NALF1: variants seen among roughly 807,000 people sequenced by gnomAD.
The protein encoded by NALF1 is NALCN channel auxiliary factor 1, also known as family with sequence similarity 155 member A.
In NALF1, 3 loss-of-function variants were observed where a neutral mutation model predicts 48.4. That is an observed-to-expected ratio of 0.06 (90% CI 0.03 to 0.16). The LOEUF is 0.16. Among genes scored for constraint, NALF1 ranks in the 10% least tolerant of loss-of-function variants. The pLI is 1.00. For synonymous variants in NALF1, 262 were observed against 245.7 expected, an observed-to-expected ratio of 1.07 and a Z score of -0.62; for missense variants, 526 against 571.5, an observed-to-expected ratio of 0.92 and a Z score of 0.81.
chr13:107,463,913 T>C (rs1353753807), intron 1 of NALF1, among the ~76,000 whole-genome samples: 3 of 152,212 alleles, frequency 2.0e-5, no homozygotes, highest in Non-Finnish European at 2.9e-5. Context: ...AAGTTCATAA[T>C]CTAGTTTTTA....
At chr13:107,201,737 CT>C (rs1464462074) in intron 2 of NALF1, among the ~76,000 whole-genome samples, 1 of 152,166 alleles carries the variant, frequency 6.6e-6, no homozygotes, top group African/African-American at 2.4e-5. Context: ...GGTGGACTTC[CT>C]GGGGCTTTCT....
At chr13:107,698,737 C>T (rs1344133146) in intron 1 of NALF1, among the ~76,000 whole-genome samples, 1 of 152,080 alleles carries the variant, frequency 6.6e-6, no homozygotes, top group African/African-American at 2.4e-5. Context: ...ATAAGAACTA[C>T]ATTTCCCTGA....
At chr13:107,706,918 CTT>C (rs34091754) in intron 1 of NALF1, among the ~76,000 whole-genome samples, 1 of 101,302 alleles carries the variant, frequency 9.9e-6, no homozygotes, top group Non-Finnish European at 1.8e-5. Flanking sequence ...CAAGGGCATT[CTT>C]TTTTTTTTTT....
intron 1 of NALF1, among the ~76,000 whole-genome samples, chr13:107,593,906 A>C (rs1278008775): frequency 6.6e-6 from 1 of 151,988 alleles, no homozygotes; most frequent in Non-Finnish European, 1.5e-5. Context: ...AAATATATTT[A>C]ATCTTCCTAA....
At chr13:107,641,284 C>T (rs921646347) in intron 1 of NALF1, among the ~76,000 whole-genome samples, 9 of 152,048 alleles carry the variant, frequency 5.9e-5, no homozygotes, top group African/African-American at 2.2e-4. Context: ...GAAGACAAAT[C>T]GTTAATGGGT....
chr13:107,382,924 G>A (rs76393107), intron 1 of NALF1, among the ~76,000 whole-genome samples: 3,509 of 152,268 alleles, frequency 0.023, 135 homozygotes, highest in African/African-American at 0.079. Flanking sequence ...GAAAGCTACA[G>A]CAGCATGAAG....
intron 1 of NALF1, among the ~76,000 whole-genome samples, chr13:107,401,067 AC>A (rs1883798849): frequency 6.6e-6 from 1 of 152,196 alleles, no homozygotes; most frequent in Non-Finnish European, 1.5e-5. Flanking sequence ...CCTACTGTCA[AC>A]CATGCTCTTA....
chr13:107,698,402 G>A lies in NALF1; in HGVS notation c.915+167280C>T, dbSNP rs72657207. ...ATCTAAGCTTTATTCTGGTGCTTCC[G>A]ATTCAGCCAGGGAAAATCTTCAAAC... On this transcript the variant is annotated intron_variant, in intron 1 of 2. Transcript: ENST00000375915. 9.7e-3 allele frequency among the ~76,000 whole-genome samples: 1,476 copies of A among 152,106 alleles called. 20 individuals carry two copies. The highest frequency in any genetic ancestry group is 0.034 in the African/African-American group (1,415 of 41,500).
At chr13:107,364,265 C>T (rs1883114088) in intron 1 of NALF1, among the ~76,000 whole-genome samples, 1 of 152,132 alleles carries the variant, frequency 6.6e-6, no homozygotes, top group Non-Finnish European at 1.5e-5. Context: ...TATATATGAG[C>T]ATTTGTTATT....
chr13:107,781,453 T>G (rs66673818), intron 1 of NALF1, among the ~76,000 whole-genome samples: 20,319 of 151,986 alleles, frequency 0.13, 1,583 homozygotes, highest in Admixed American at 0.23. Context: ...ATTACTTCAG[T>G]TTGCTCCCAC....
In NALF1 at chr13:107,865,862, G is replaced by A. The variant is rs751234067; in HGVS notation, c.735C>T (p.Asn245=). The A allele has an allele frequency of 1.4e-5, 22 of 1,613,988 alleles. No individual in the cohort carries two copies. Among genetic ancestry groups the A allele is most frequent in the Non-Finnish European group, 9.3e-6 (11 of 1,180,038 alleles). ...CCTTGAGCACCACATCCAGACTGCA[G>A]TTCAAAGTGTTGGGACTGGACAACC... The part of the protein sequence containing the change: ...FSGLSSPNTL[N]CSLDVVLKEG... Residue 245 remains asparagine, a synonymous_variant, in exon 1 of 3, where the codon AAC becomes AAT. Coordinates refer to ENST00000375915, the MANE Select transcript of NALF1 (RefSeq NM_001080396.3).
intron 1 of NALF1, among the ~76,000 whole-genome samples, chr13:107,241,629 G>A (rs925268794): frequency 1.3e-5 from 2 of 152,166 alleles, no homozygotes; most frequent in Non-Finnish European, 2.9e-5. Flanking sequence ...ATCGATACAG[G>A]CAAAGCCCTT....
At chr13:107,734,366 C>A (rs1454484015) in intron 1 of NALF1, among the ~76,000 whole-genome samples, 1 of 146,926 alleles carries the variant, frequency 6.8e-6, no homozygotes, top group Admixed American at 7.1e-5. Flanking sequence ...CAATGTTGCA[C>A]TGAGGCAAGA....
At chr13:107,777,168 A>G (rs1163530436) in intron 1 of NALF1, among the ~76,000 whole-genome samples, 3 of 152,194 alleles carry the variant, frequency 2.0e-5, no homozygotes, top group African/African-American at 4.8e-5. Flanking sequence ...AACTTCACAT[A>G]AAGTATCTTG....
intron 1 of NALF1, among the ~76,000 whole-genome samples, chr13:107,650,724 T>C (rs1009803955): frequency 2.0e-5 from 3 of 151,952 alleles, no homozygotes; most frequent in Non-Finnish European, 2.9e-5. Context: ...CAATAACTTA[T>C]GAAAAAATAA....
At chr13:107,480,296 T>TA (rs770872548) in intron 1 of NALF1, among the ~76,000 whole-genome samples, 11 of 152,220 alleles carry the variant, frequency 7.2e-5, no homozygotes, top group Admixed American at 2.0e-4. Context: ...AGAGACCCCT[T>TA]TTAATAGTAA....
chr13:107,783,483 T>C lies in NALF1; in HGVS notation c.915+82199A>G, dbSNP rs952160012. On this transcript the variant is annotated intron_variant, in intron 1 of 2. Transcript: ENST00000375915. ...GTTGCCATGTCTGTGTAGAAAGAAG[T>C]AGACATGGGAGACTTTTCATTTTGT... 5.3e-3 allele frequency among the ~76,000 whole-genome samples: 812 copies of C among 152,194 alleles called. 11 individuals carry two copies. The highest frequency in any genetic ancestry group is 0.018 in the African/African-American group (766 of 41,506).
In NALF1 at chr13:107,851,240, G is replaced by T. The variant is rs767635073; in HGVS notation, c.915+14442C>A. On this transcript the variant is annotated intron_variant, in intron 1 of 2. Coordinates refer to ENST00000375915, the MANE Select transcript of NALF1 (RefSeq NM_001080396.3). ...TGTCTTCCAATTCATAAACTAGGCA[G>T]CAGAATGATATAGTGACATATTTTG... Among the ~76,000 whole-genome samples, 17 of 152,056 alleles carry T rather than the reference G, an allele frequency of 1.1e-4. 1 individual carries two copies. The highest frequency in any genetic ancestry group is 2.4e-4 in the Non-Finnish European group (16 of 68,020).
intron 1 of NALF1, among the ~76,000 whole-genome samples, chr13:107,436,064 G>A (rs563855261): frequency 5.3e-5 from 8 of 152,260 alleles, no homozygotes; most frequent in Admixed American, 2.6e-4. Flanking sequence ...AAAGTTCTCC[G>A]AGGGCAAGAC....
Sources: gnomAD v4.1 joint callset for allele counts (sites outside exome capture counted in the v4.1 genomes callset) on GRCh38, gnomAD v4.1.1 for gene constraint, MANE v1.5 for transcripts, NCBI Gene and HGNC (gene_info 2026-07-23, HGNC 2026-07-21) for gene names.